The following MACF1 variants were observed in gnomAD, a reference collection of about 807,000 sequenced individuals.
MACF1 encodes microtubule actin crosslinking factor 1, also known as microtubule-actin cross-linking factor 1.
MACF1 carries 193 observed loss-of-function variants against 854.8 expected under a neutral mutation model. The ratio of observed to expected loss-of-function variants is 0.23; its 90% CI spans 0.20 to 0.25. The LOEUF (loss-of-function observed/expected upper bound fraction) is 0.25, where lower values mean the gene tolerates loss of function less well. Among genes scored for constraint, MACF1 ranks in the 10% least tolerant of loss-of-function variants. The pLI, the probability that MACF1 is intolerant of heterozygous loss-of-function variation, is 1.00. For synonymous variants in MACF1, 3,185 were observed against 3,226.7 expected, an observed-to-expected ratio of 0.99 and a Z score of 0.44; for missense variants, 7,722 against 8,929.1, an observed-to-expected ratio of 0.86 and a Z score of 5.45.
At chr1:39,168,721 G>C (rs1643907484) in intron 2 of MACF1, among the ~76,000 whole-genome samples, 1 of 152,028 alleles carries the variant, frequency 6.6e-6, no homozygotes, top group East Asian at 1.9e-4. Context: ...CTGTAAAATG[G>C]GGATAATAAT....
chr1:39,323,124 G>C, intron 33 of MACF1, 116 bp downstream of exon 33: 1 of 882,522 alleles, frequency 1.1e-6, no homozygotes. Context: ...AGGATTACTT[G>C]AGTCTAGGAG....
intron 80 of MACF1, among the ~76,000 whole-genome samples, chr1:39,445,704 A>C (rs1038545831): frequency 6.6e-6 from 1 of 152,254 alleles, no homozygotes; most frequent in African/African-American, 2.4e-5. Context: ...TCACGCCTGT[A>C]ATTCCAGCAC....
In MACF1 at chr1:39,138,072, C is replaced by CAAAA. The variant is rs1213606775; in HGVS notation, c.220+53654_220+53657dup. Among the ~76,000 whole-genome samples, 4 of 50,322 alleles carry CAAAA rather than the reference C, an allele frequency of 7.9e-5. 1 individual carries two copies. Among genetic ancestry groups the CAAAA allele is most frequent in the African/African-American group, 1.4e-4 (2 of 14,120 alleles). The allele number at this position is 50,322 out of a possible 152,430, so 33.0% of individuals were successfully genotyped here. ...CTGGGTAACAGTCGAGACTCCATCT[C>CAAAA]AAAAAAAAAAAAAAAAAAAAAAAGT... On this transcript the variant is annotated intron_variant, in intron 2 of 93. Transcript: ENST00000361689.
chr1:39,252,056 C>T (rs1403209464), intron 4 of MACF1, 115 bp downstream of exon 4: 4 of 576,198 alleles, frequency 6.9e-6, no homozygotes, highest in Middle Eastern at 9.9e-4. Flanking sequence ...GCCACCTTCT[C>T]ATTTCAACTG....
intron 2 of MACF1, among the ~76,000 whole-genome samples, chr1:39,133,662 T>C (rs950774539): frequency 8.5e-5 from 13 of 152,202 alleles, no homozygotes; most frequent in African/African-American, 2.7e-4. Context: ...ATGTAAACAT[T>C]GTGGAATGAT....
chr1:39,463,535 G>A, intron 93 of MACF1, 77 bp from the exon 94 acceptor site: 1 of 965,634 alleles, frequency 1.0e-6, no homozygotes, highest in Non-Finnish European at 1.7e-6. Flanking sequence ...CCCTGTTAAT[G>A]TATAAAAATC....
intron 2 of MACF1, among the ~76,000 whole-genome samples, chr1:39,107,060 T>C (rs1032219678): frequency 3.3e-5 from 5 of 152,146 alleles, no homozygotes; most frequent in South Asian, 2.1e-4. Flanking sequence ...GAAAAAATGC[T>C]GCTCAGTGAA....
At chr1:39,317,709 A>T (rs2148447317) in intron 29 of MACF1, among the ~76,000 whole-genome samples, 1 of 152,008 alleles carries the variant, frequency 6.6e-6, no homozygotes, top group African/African-American at 2.4e-5. Context: ...CAAAACCTAT[A>T]CTCTAGTTCT....
chr1:39,257,210 G>A (rs1645107024), intron 5 of MACF1, among the ~76,000 whole-genome samples: 1 of 152,196 alleles, frequency 6.6e-6, no homozygotes, highest in Admixed American at 6.5e-5. Flanking sequence ...CTCTATAATG[G>A]AATACTACTC....
intron 2 of MACF1, among the ~76,000 whole-genome samples, chr1:39,194,097 T>G (rs1644287727): frequency 6.6e-6 from 1 of 152,006 alleles, no homozygotes; most frequent in African/African-American, 2.4e-5. Flanking sequence ...CCTCCCAAAG[T>G]GCTGGGATTA....
At chr1:39,443,371 C>G in intron 78 of MACF1, 75 bp from the exon 79 acceptor site, 1 of 1,488,302 alleles carries the variant, frequency 6.7e-7, no homozygotes, top group Non-Finnish European at 9.0e-7. Flanking sequence ...ATAAACTCCT[C>G]ATATCATTTG....
At chr1:39,480,075 G>A (rs1054304798) in intron 98 of MACF1, 66 bp downstream of exon 98, 18 of 1,010,386 alleles carry the variant, frequency 1.8e-5, no homozygotes, top group Admixed American at 2.3e-5. Flanking sequence ...CATTGTTCAC[G>A]GTAGCCTCTG....
intron 2 of MACF1, among the ~76,000 whole-genome samples, chr1:39,098,733 C>T (rs1352758934): frequency 1.3e-5 from 2 of 152,150 alleles, no homozygotes; most frequent in Non-Finnish European, 2.9e-5. Flanking sequence ...TTGAGGGTTG[C>T]TATGGTGATG....
At chr1:39,117,911 T>C (rs1276467446) in intron 2 of MACF1, among the ~76,000 whole-genome samples, 1 of 152,214 alleles carries the variant, frequency 6.6e-6, no homozygotes, top group Non-Finnish European at 1.5e-5. Flanking sequence ...GGAAGAGGAT[T>C]AACAGAGACC....
chr1:39,375,114 A>C (rs554061988), intron 52 of MACF1, among the ~76,000 whole-genome samples: 1 of 151,914 alleles, frequency 6.6e-6, no homozygotes, highest in East Asian at 1.9e-4. Context: ...CATCTCAAAA[A>C]TAAATAAATA....
intron 23 of MACF1, among the ~76,000 whole-genome samples, chr1:39,305,780 C>T (rs1646161115): frequency 6.6e-6 from 1 of 152,164 alleles, no homozygotes; most frequent in South Asian, 2.1e-4. Flanking sequence ...CTGTTTCTCA[C>T]ACACAGACAG....
rs201926226 is a variant in MACF1 at position 39,434,561 on chromosome 1, G to T, written c.17713G>T (p.Ala5905Ser). The T allele has an allele frequency of 6.2e-7, 1 of 1,614,074 alleles. No individual in the cohort carries two copies. Among genetic ancestry groups the T allele is most frequent in the African/African-American group, 1.3e-5 (1 of 75,018 alleles). ...ELSPWIEETRALIAQLPSPAI... is the reference protein window; with the variant it reads ...ELSPWIEETRSLIAQLPSPAI... ...CAGCCCCTGGATTGAGGAAACTCGG[G>T]CACTAATAGCACAGTTACCCTCTCC... The change falls in exon 69 of 101, where the codon GCA (alanine) becomes TCA (serine). Residue 5905 changes from alanine to serine, a missense_variant. Transcript: ENST00000564288.
chr1:39,304,482 CT>C, intron 23 of MACF1: 3 of 1,438,110 alleles, frequency 2.1e-6, no homozygotes, highest in Non-Finnish European at 1.9e-6. Flanking sequence ...GCTTGAAATA[CT>C]TTTCCTTGAG....
At chr1:39,322,741 A>C in intron 32 of MACF1, 26 bp downstream of exon 32, 3 of 1,596,046 alleles carry the variant, frequency 1.9e-6, no homozygotes, top group Non-Finnish European at 2.6e-6. Flanking sequence ...AAGGAAATAC[A>C]CCACTGTCTT....
Sources: allele counts gnomAD v4.1 joint callset (sites outside exome capture counted in the v4.1 genomes callset), GRCh38; gene constraint gnomAD v4.1.1; transcripts MANE v1.5; gene names NCBI Gene and HGNC (gene_info 2026-07-23, HGNC 2026-07-21).